The following SYN3 variants were observed in gnomAD, a reference collection of about 807,000 sequenced individuals.
SYN3 encodes synapsin III, also known as synapsin-3.
A neutral mutation model predicts 65.8 loss-of-function variants in SYN3; 35 were observed. The observed-to-expected ratio is 0.53, with a 90% CI of 0.41 to 0.70. SYN3 has a LOEUF of 0.70. Ranked by LOEUF, SYN3 falls within the 30% of genes least tolerant of loss-of-function variation. SYN3 has a pLI of 0.00. For missense variants in SYN3, 680 were observed against 749.0 expected (o/e 0.91, Z 1.08); for synonymous variants, 270 against 292.9 (o/e 0.92, Z 0.80).
intron 4 of SYN3, among the ~76,000 whole-genome samples, chr22:32,903,978 A>C (rs892254170): frequency 6.6e-6 from 1 of 152,202 alleles, no homozygotes; most frequent in African/African-American, 2.4e-5. Flanking sequence ...AGGTGGTGAA[A>C]TTAATAATAA....
intron 7 of SYN3, among the ~76,000 whole-genome samples, chr22:32,592,659 C>T (rs1477565128): frequency 6.6e-6 from 1 of 152,116 alleles, no homozygotes; most frequent in Non-Finnish European, 1.5e-5. Flanking sequence ...TCACCAGTGC[C>T]AACAAAGGCC....
intron 7 of SYN3, among the ~76,000 whole-genome samples, chr22:32,576,031 T>C (rs1449901058): frequency 6.6e-6 from 1 of 152,120 alleles, no homozygotes; most frequent in Non-Finnish European, 1.5e-5. Context: ...GGTCGTGGGA[T>C]AGGGCTGGTG....
At chr22:32,707,932 A>G (rs10854627) in intron 6 of SYN3, among the ~76,000 whole-genome samples, 34,892 of 152,160 alleles carry the variant, frequency 0.23, 6,558 homozygotes, top group East Asian at 0.63. Flanking sequence ...GTAAGAATTC[A>G]GAGGGAATTT....
At chr22:32,803,605 G>T (rs1350322488) in intron 6 of SYN3, among the ~76,000 whole-genome samples, 2 of 152,210 alleles carry the variant, frequency 1.3e-5, no homozygotes, top group Non-Finnish European at 2.9e-5. Context: ...GAAGACTGGG[G>T]AGGGTTTTCC....
intron 4 of SYN3, among the ~76,000 whole-genome samples, chr22:32,890,735 T>C (rs2049422933): frequency 6.6e-6 from 1 of 152,190 alleles, no homozygotes; most frequent in South Asian, 2.1e-4. Context: ...TTTGGGCAAG[T>C]TGCCTGTTTA....
chr22:32,663,719 C>T (rs2060250901), intron 6 of SYN3, among the ~76,000 whole-genome samples: 1 of 152,084 alleles, frequency 6.6e-6, no homozygotes, highest in Non-Finnish European at 1.5e-5. Context: ...ATTGATTCTG[C>T]TTATGAGTTC....
chr22:32,998,617 C>T lies in SYN3; in HGVS notation c.311+7735G>A, dbSNP rs545698683. ...CTTCTATTCGCTGCTCCCCCAACAG[C>T]CCTCCTCCCCATTCTATCCAGGCTC... On this transcript the variant is annotated intron_variant, in intron 2 of 13. Coordinates refer to ENST00000358763, the MANE Select transcript of SYN3 (RefSeq NM_003490.4). Among the ~76,000 whole-genome samples the T allele has an allele frequency of 2.6e-5, 4 of 152,082 alleles. No homozygotes were observed. The South Asian group carries it at 8.3e-4, about 32-fold the overall frequency.
At chr22:32,657,434 C>T (rs2060158433) in intron 6 of SYN3, among the ~76,000 whole-genome samples, 1 of 152,200 alleles carries the variant, frequency 6.6e-6, no homozygotes, top group Non-Finnish European at 1.5e-5. Flanking sequence ...GAGCCACCCT[C>T]ACTTCTTGTC....
At chr22:32,662,996 G>A (rs1486889768) in intron 6 of SYN3, among the ~76,000 whole-genome samples, 1 of 152,142 alleles carries the variant, frequency 6.6e-6, no homozygotes, top group Non-Finnish European at 1.5e-5. Context: ...TACTGAATAT[G>A]ATGACACAGA....
intron 2 of SYN3, among the ~76,000 whole-genome samples, chr22:32,995,947 G>A (rs2052867912): frequency 1.3e-5 from 2 of 152,048 alleles, no homozygotes; most frequent in Admixed American, 6.6e-5. Context: ...CACCGCATCC[G>A]GCCTTTTTTT....
chr22:33,039,310 T>C (rs891458812), intron 1 of SYN3, among the ~76,000 whole-genome samples: 7 of 152,226 alleles, frequency 4.6e-5, no homozygotes, highest in Middle Eastern at 3.4e-3. Context: ...CAGGAGGTGT[T>C]TTAGCCTGTA....
intron 6 of SYN3, among the ~76,000 whole-genome samples, chr22:32,755,076 G>A (rs750828706): frequency 5.9e-5 from 9 of 152,198 alleles, no homozygotes; most frequent in Non-Finnish European, 1.3e-4. Flanking sequence ...GAGCAGAGGC[G>A]CAGAGGCTGG....
At chr22:32,717,817 C>T (rs1328963061) in intron 6 of SYN3, among the ~76,000 whole-genome samples, 4 of 152,144 alleles carry the variant, frequency 2.6e-5, no homozygotes, top group African/African-American at 7.2e-5. Context: ...CCTTCCACTG[C>T]GGATCTGACT....
At chr22:32,868,491 A>C (rs2048750161) in intron 5 of SYN3, among the ~76,000 whole-genome samples, 1 of 151,864 alleles carries the variant, frequency 6.6e-6, no homozygotes, top group South Asian at 2.1e-4. Context: ...CCCAGGCTGG[A>C]GTGCAACGGC....
intron 13 of SYN3, among the ~76,000 whole-genome samples, chr22:32,517,110 C>T (rs765322917): frequency 6.6e-5 from 10 of 152,216 alleles, no homozygotes; most frequent in Middle Eastern, 3.2e-3. Context: ...TTCCTCTTGT[C>T]CCTGTAGCCT....
Position 32,660,347 on chromosome 22 carries a change from C to T in SYN3, c.712-63611G>A, listed in dbSNP as rs1160617837. Among the ~76,000 whole-genome samples, 4 of 152,318 alleles carry T rather than the reference C, an allele frequency of 2.6e-5. No individual in the cohort carries two copies. The East Asian group carries it at 5.8e-4, about 22-fold the overall frequency. ...CCTGGTTTCTTTGGGGCATGGCTTC[C>T]AGGTCAGTGCGTCTCTGACACTTGC... On this transcript the variant is annotated intron_variant, in intron 6 of 13. Transcript: ENST00000358763.
At chr22:32,803,343 T>C (rs2046642866) in intron 6 of SYN3, among the ~76,000 whole-genome samples, 1 of 150,744 alleles carries the variant, frequency 6.6e-6, no homozygotes, top group South Asian at 2.1e-4. Flanking sequence ...GGGGAGGAGG[T>C]AGGAGCTTGG....
chr22:33,022,573 G>A (rs1381513392), intron 1 of SYN3, among the ~76,000 whole-genome samples: 1 of 152,160 alleles, frequency 6.6e-6, no homozygotes, highest in Non-Finnish European at 1.5e-5. Flanking sequence ...TAGCATCATT[G>A]TTCTCGTGAG....
chr22:32,628,747 TAA>T (rs944304154), intron 6 of SYN3, among the ~76,000 whole-genome samples: 3 of 139,666 alleles, frequency 2.1e-5, no homozygotes, highest in Non-Finnish European at 3.1e-5. Context: ...AGACTTCGTC[TAA>T]AAAAAAAAAA....
Sources: allele counts gnomAD v4.1 joint callset (sites outside exome capture counted in the v4.1 genomes callset), GRCh38; gene constraint gnomAD v4.1.1; transcripts MANE v1.5; gene names NCBI Gene and HGNC (gene_info 2026-07-23, HGNC 2026-07-21).